Variants in ISY1 observed in about 807,000 individuals in gnomAD.
The protein encoded by ISY1 is ISY1 spliceosome associated protein.
Under a neutral mutation model 54.4 loss-of-function variants are expected in ISY1, and 12 were observed. That is an observed-to-expected ratio of 0.22 (90% CI 0.14 to 0.36). ISY1 has a LOEUF of 0.36. ISY1 is among the 10% of genes least tolerant of loss of function. The pLI is 1.00. For missense variants in ISY1, 282 were observed against 342.2 expected (o/e 0.82, Z 1.39); for synonymous variants, 96 against 117.9 (o/e 0.81, Z 1.20).
At chr3:129,146,546 G>A (rs1560019075) in intron 5 of ISY1, among the ~76,000 whole-genome samples, 1 of 152,144 alleles carries the variant, frequency 6.6e-6, no homozygotes, top group Non-Finnish European at 1.5e-5. Flanking sequence ...AATGCTGGAT[G>A]ACAACAGCAA....
At chr3:129,154,712 A>T (rs1345938720) in intron 5 of ISY1, among the ~76,000 whole-genome samples, 1 of 138,532 alleles carries the variant, frequency 7.2e-6, no homozygotes, top group Non-Finnish European at 1.5e-5. Context: ...TTTTTGAGAC[A>T]GAGTCTCGCT....
intron 6 of ISY1, among the ~76,000 whole-genome samples, chr3:129,143,194 A>G (rs998959328): frequency 8.1e-5 from 12 of 148,390 alleles, no homozygotes; most frequent in African/African-American, 3.0e-4. Context: ...GCCTGGGGTG[A>G]CAGAGTAAAA....
At chr3:129,146,320 A>G (rs1235032163) in intron 5 of ISY1, among the ~76,000 whole-genome samples, 1 of 152,114 alleles carries the variant, frequency 6.6e-6, no homozygotes, top group Non-Finnish European at 1.5e-5. Flanking sequence ...TATGGGAAAA[A>G]TTTTTGGCAA....
intron 5 of ISY1, among the ~76,000 whole-genome samples, chr3:129,150,677 C>T (rs879328136): frequency 6.6e-5 from 10 of 151,656 alleles, no homozygotes; most frequent in South Asian, 6.2e-4. Flanking sequence ...CCAGCCTGGA[C>T]GCCAGAGCAA....
chr3:129,145,740 C>T (rs1560018800), intron 6 of ISY1, 21 bp downstream of exon 6: 2 of 1,610,168 alleles, frequency 1.2e-6, no homozygotes, highest in Non-Finnish European at 1.7e-6. Flanking sequence ...AGACCCGCCA[C>T]TGGGGCTGCC....
At chr3:129,158,803 C>G (rs1937218805) in intron 2 of ISY1, among the ~76,000 whole-genome samples, 1 of 152,138 alleles carries the variant, frequency 6.6e-6, no homozygotes, top group Admixed American at 6.5e-5. Flanking sequence ...CACATAAGGA[C>G]TGTGGGAAAC....
intron 5 of ISY1, among the ~76,000 whole-genome samples, chr3:129,154,479 A>T (rs1937075226): frequency 6.6e-6 from 1 of 150,472 alleles, no homozygotes. Context: ...ACTTCTCTTA[A>T]GTGAGCTTTG....
chr3:129,135,541 GA>G (rs1936368531), intron 7 of ISY1, among the ~76,000 whole-genome samples: 1 of 152,008 alleles, frequency 6.6e-6, no homozygotes, highest in East Asian at 1.9e-4. Context: ...CGAGGCGGGA[GA>G]ATCACGAGGT....
intron 1 of ISY1, 29 bp from the exon 2 acceptor site, chr3:129,159,205 G>A (rs1371486264): frequency 6.3e-7 from 1 of 1,592,976 alleles, no homozygotes; most frequent in Non-Finnish European, 8.5e-7. Flanking sequence ...GAAGAAAAAT[G>A]TCCATGTTTA....
At chr3:129,137,588 T>C (rs1304762024) in intron 7 of ISY1, among the ~76,000 whole-genome samples, 2 of 151,894 alleles carry the variant, frequency 1.3e-5, no homozygotes, top group African/African-American at 2.4e-5. Flanking sequence ...ATCCTAGCGC[T>C]TTGGGAGGCC....
In ISY1 at chr3:129,160,886, T is replaced by C. The variant is rs919470582; in HGVS notation, c.3+87A>G. The C allele has an allele frequency of 2.0e-6, 3 of 1,500,526 alleles. No individual in the cohort carries two copies. In the Admixed American group the frequency reaches 5.9e-5, roughly 30 times the overall value. The allele number at this position is 1,500,526 out of a possible 1,614,324, so 93.0% of individuals were successfully genotyped here. A position where few individuals can be genotyped will look rare whatever the true frequency, so the allele number is the denominator to read the frequency against. On this transcript the variant is annotated intron_variant, in intron 1 of 10. Transcript: ENST00000393295. ...GCCCTCAGCACTGCACGTCTGAGCC[T>C]CTACCGAATGAGCGCCCCAGGTGGA...
At chr3:129,152,418 T>C (rs1203911863) in intron 5 of ISY1, among the ~76,000 whole-genome samples, 1 of 152,110 alleles carries the variant, frequency 6.6e-6, no homozygotes, top group Non-Finnish European at 1.5e-5. Context: ...TTGTTTTTTT[T>C]TTTGAGACGG....
At chr3:129,149,910 G>A (rs1161470815) in intron 5 of ISY1, among the ~76,000 whole-genome samples, 2 of 149,884 alleles carry the variant, frequency 1.3e-5, no homozygotes, top group East Asian at 1.9e-4. Flanking sequence ...AGAGGTGGAC[G>A]CTGCAGTGAG....
At position 129,157,056 on chromosome 3, in the gene ISY1, A is replaced by C. The variant is rs545261287; in HGVS notation, c.79-136T>G. 9.3e-5 allele frequency: 86 copies of C among 925,734 alleles called. No homozygotes were observed. The African/African-American group carries it at 1.3e-3, about 14-fold the overall frequency. The allele number at this position is 925,734 out of a possible 1,614,324, so 57.3% of individuals were successfully genotyped here. Reference sequence around the variant, plus strand: ...GAAGTTTTCATTCCAGATGATCCTCATCAAGCCTTAAACCTCATTCTACAA... The same window carrying C: ...GAAGTTTTCATTCCAGATGATCCTCCTCAAGCCTTAAACCTCATTCTACAA... On this transcript the variant is annotated intron_variant, in intron 3 of 10. Coordinates refer to ENST00000393295, the MANE Select transcript of ISY1 (RefSeq NM_020701.4).
intron 9 of ISY1, among the ~76,000 whole-genome samples, chr3:129,133,515 G>A (rs1315955768): frequency 2.0e-5 from 3 of 152,158 alleles, no homozygotes; most frequent in African/African-American, 7.2e-5. Flanking sequence ...CCAATATGGT[G>A]AAACCCCGTC....
chr3:129,139,400 A>G (rs1032055994), intron 7 of ISY1, among the ~76,000 whole-genome samples: 2 of 152,220 alleles, frequency 1.3e-5, no homozygotes, highest in African/African-American at 4.8e-5. Context: ...TTTTTTTTAA[A>G]ATAGAAAAGC....
At chr3:129,152,696 G>A (rs755418343) in intron 5 of ISY1, among the ~76,000 whole-genome samples, 4 of 151,972 alleles carry the variant, frequency 2.6e-5, no homozygotes, top group Non-Finnish European at 4.4e-5. Context: ...GTGAGCCACC[G>A]CGCCCGGCCA....
At chr3:129,159,205 G>T (rs1371486264) in intron 1 of ISY1, 29 bp from the exon 2 acceptor site, 2 of 1,592,976 alleles carry the variant, frequency 1.3e-6, no homozygotes, top group Non-Finnish European at 1.7e-6. Context: ...GAAGAAAAAT[G>T]TCCATGTTTA....
chr3:129,146,806 C>T (rs1936775458), intron 5 of ISY1, among the ~76,000 whole-genome samples: 1 of 152,120 alleles, frequency 6.6e-6, no homozygotes, highest in Admixed American at 6.6e-5. Context: ...GCCTGTAATC[C>T]CAGCACTCTG....
Sources: allele counts gnomAD v4.1 joint callset (sites outside exome capture counted in the v4.1 genomes callset), GRCh38; gene constraint gnomAD v4.1.1; transcripts MANE v1.5; gene names NCBI Gene and HGNC (gene_info 2026-07-23, HGNC 2026-07-21).